The following GRID2 variants were observed in gnomAD, a reference collection of about 807,000 sequenced individuals.
The protein encoded by GRID2 is glutamate receptor ionotropic, delta-2.
GRID2 carries 33 observed loss-of-function variants against 114.8 expected under a neutral mutation model. That is an observed-to-expected ratio of 0.29 (90% confidence interval 0.22 to 0.38). GRID2 has a LOEUF of 0.38. Ranked by LOEUF, GRID2 falls within the 10% of genes least tolerant of loss-of-function variation. GRID2 has a pLI of 1.00. For missense variants in GRID2, 1,184 were observed against 1,257.7 expected, an observed-to-expected ratio of 0.94 and a Z score of 0.89; for synonymous variants, 505 against 449.9, an observed-to-expected ratio of 1.12 and a Z score of -1.55.
At chr4:92,549,216 T>C (rs551876184) in intron 1 of GRID2, among the ~76,000 whole-genome samples, 93 of 152,018 alleles carry the variant, frequency 6.1e-4, no homozygotes, top group African/African-American at 2.1e-3. Context: ...TTTGAAGGAA[T>C]GTATAACACT....
intron 2 of GRID2, among the ~76,000 whole-genome samples, chr4:92,686,555 G>A (rs752138044): frequency 2.0e-5 from 3 of 151,968 alleles, no homozygotes; most frequent in Non-Finnish European, 4.4e-5. Context: ...TTAATAAAAC[G>A]CTTGCTGGAT....
chr4:92,519,437 C>G (rs547116424), intron 1 of GRID2, among the ~76,000 whole-genome samples: 1 of 151,534 alleles, frequency 6.6e-6, no homozygotes, highest in Non-Finnish European at 1.5e-5. Flanking sequence ...AATCTAAGTA[C>G]TAAAAAGTAA....
chr4:93,152,891 A>G (rs1267838913), intron 4 of GRID2, among the ~76,000 whole-genome samples: 3 of 152,140 alleles, frequency 2.0e-5, no homozygotes, highest in Non-Finnish European at 4.4e-5. Flanking sequence ...TGAAGATAAA[A>G]AGAATAACAT....
In GRID2 at chr4:93,671,064, A is replaced by G. The variant is rs527592582; in HGVS notation, c.2360+44629A>G. 2.0e-5 allele frequency among the ~76,000 whole-genome samples: 3 copies of G among 152,262 alleles called. No individual in the cohort carries two copies. The South Asian group carries it at 6.2e-4, about 32-fold the overall frequency. On this transcript the variant is annotated intron_variant, in intron 14 of 15. Transcript: ENST00000282020. ...ATAGAAACGTGGGGAGGGGGAATCA[A>G]AGTAGCTAAGCAATACACCCCAAAT...
chr4:93,663,815 A>C (rs779143906), intron 14 of GRID2, among the ~76,000 whole-genome samples: 1 of 152,210 alleles, frequency 6.6e-6, no homozygotes, highest in Non-Finnish European at 1.5e-5. Context: ...TTATCATATA[A>C]AAAGTAGTTA....
chr4:92,318,819 C>T (rs1726152138), intron 1 of GRID2, among the ~76,000 whole-genome samples: 1 of 152,062 alleles, frequency 6.6e-6, no homozygotes, highest in Non-Finnish European at 1.5e-5. Flanking sequence ...AGGAGTCTGT[C>T]TTCAAGCACA....
At chr4:92,818,305 T>C (rs1481319636) in intron 2 of GRID2, among the ~76,000 whole-genome samples, 1 of 152,172 alleles carries the variant, frequency 6.6e-6, no homozygotes, top group East Asian at 1.9e-4. Context: ...ATTCCTTCTT[T>C]TTTTTGTATT....
intron 2 of GRID2, among the ~76,000 whole-genome samples, chr4:92,708,551 T>C (rs527331095): frequency 7.9e-5 from 12 of 152,212 alleles, no homozygotes; most frequent in Non-Finnish European, 1.8e-4. Flanking sequence ...CTGTCACTTA[T>C]TTATCTCATC....
At chr4:93,000,433 T>A (rs1355986803) in intron 2 of GRID2, among the ~76,000 whole-genome samples, 1 of 151,614 alleles carries the variant, frequency 6.6e-6, no homozygotes, top group Non-Finnish European at 1.5e-5. Flanking sequence ...GCTGCCCTCT[T>A]GCCCTTTCTG....
intron 13 of GRID2, among the ~76,000 whole-genome samples, chr4:93,566,883 A>G (rs12648046): frequency 6.6e-6 from 1 of 152,188 alleles, no homozygotes; most frequent in East Asian, 1.9e-4. Flanking sequence ...AAAGTTTAAT[A>G]CATGCTTTAT....
chr4:93,769,537 TG>T (rs34093149), intron 15 of GRID2, 87 bp downstream of exon 15: 3 of 1,276,594 alleles, frequency 2.3e-6, no homozygotes, highest in Admixed American at 4.1e-5. Flanking sequence ...GATAATGGGT[TG>T]GGGGTGGTCC....
chr4:93,581,210 CT>C (rs1160309324), intron 13 of GRID2, among the ~76,000 whole-genome samples: 1 of 147,382 alleles, frequency 6.8e-6, no homozygotes, highest in Non-Finnish European at 1.5e-5. Flanking sequence ...GTTTTCTCTT[CT>C]TGTGTTAGTT....
chr4:93,539,183 T>C (rs1732405579), intron 13 of GRID2, among the ~76,000 whole-genome samples: 1 of 151,892 alleles, frequency 6.6e-6, no homozygotes, highest in Non-Finnish European at 1.5e-5. Flanking sequence ...TTTCTGTCCT[T>C]CTCTTGCTTC....
intron 13 of GRID2, among the ~76,000 whole-genome samples, chr4:93,594,408 C>T (rs1738795510): frequency 6.6e-6 from 1 of 152,216 alleles, no homozygotes; most frequent in Admixed American, 6.5e-5. Context: ...GCAGTCCGCC[C>T]ATTCTCAGAT....
intron 2 of GRID2, among the ~76,000 whole-genome samples, chr4:93,062,324 A>C (rs1287506372): frequency 6.6e-6 from 1 of 152,110 alleles, no homozygotes; most frequent in African/African-American, 2.4e-5. Context: ...CAAAATTTCA[A>C]AATAAGATGG....
chr4:92,441,826 C>T (rs1017679106), intron 1 of GRID2, among the ~76,000 whole-genome samples: 18 of 151,566 alleles, frequency 1.2e-4, no homozygotes, highest in Admixed American at 3.3e-4. Context: ...TGGGGGGATA[C>T]AAGAGGAGGA....
intron 2 of GRID2, among the ~76,000 whole-genome samples, chr4:92,868,736 A>G (rs752523106): frequency 1.3e-5 from 2 of 151,846 alleles, no homozygotes; most frequent in African/African-American, 4.8e-5. Context: ...TGTGTAGGAT[A>G]ATGTTTTACA....
rs760605020 is a variant in GRID2, at chr4:92,688,037, C to CTTTTTTTTTTTTTT, written c.244+97767_244+97780dup. Among the ~76,000 whole-genome samples, 52 of 44,666 alleles carry CTTTTTTTTTTTTTT rather than the reference C, an allele frequency of 1.2e-3. 3 individuals are homozygous for CTTTTTTTTTTTTTT. The highest frequency in any genetic ancestry group is 1.6e-3 in the East Asian group (3 of 1,888). The allele number at this position is 44,666 out of a possible 152,430, so 29.3% of individuals were successfully genotyped here. On this transcript the variant is annotated intron_variant, in intron 2 of 15. Transcript: ENST00000282020. Reference sequence around the variant, plus strand: ...GCCACATTGGTTGACCCTTCTTCTTCTTTTTTTTTTTTTTTTTTTTTTTTT... The same window carrying CTTTTTTTTTTTTTT: ...GCCACATTGGTTGACCCTTCTTCTTCTTTTTTTTTTTTTTTTTTTTTTTTTTTTTTTTTTTTTTT...
intron 14 of GRID2, among the ~76,000 whole-genome samples, chr4:93,677,347 G>A (rs1167893649): frequency 1.3e-5 from 2 of 152,190 alleles, no homozygotes; most frequent in African/African-American, 4.8e-5. Flanking sequence ...ACCTCTGGGG[G>A]CAGGGCACAC....
Sources: gnomAD v4.1 joint callset for allele counts (sites outside exome capture counted in the v4.1 genomes callset) on GRCh38, gnomAD v4.1.1 for gene constraint, MANE v1.5 for transcripts, NCBI Gene and HGNC (gene_info 2026-07-23, HGNC 2026-07-21) for gene names.